PALLD: variants seen among roughly 807,000 people sequenced by gnomAD.
PALLD encodes palladin, cytoskeletal associated protein.
A neutral mutation model predicts 123.5 loss-of-function variants in PALLD; 61 were observed. The observed-to-expected ratio is 0.49, with a 90% confidence interval of 0.40 to 0.61. The LOEUF (loss-of-function observed/expected upper bound fraction) is 0.61. Ranked by LOEUF, PALLD falls within the 20% of genes least tolerant of loss-of-function variation. The pLI is 0.00. For synonymous variants in PALLD, 465 were observed against 496.4 expected, an observed-to-expected ratio of 0.94 and a Z score of 0.84; for missense variants, 1,273 against 1,377.0, an observed-to-expected ratio of 0.92 and a Z score of 1.20.
intron 2 of PALLD, among the ~76,000 whole-genome samples, chr4:168,518,392 A>G (rs11132281): frequency 0.74 from 112,562 of 152,070 alleles, 41,885 homozygotes; most frequent in East Asian, 0.86. Context: ...CTGCCCGAAC[A>G]CCGTCCAGGG....
chr4:168,578,437 TC>T (rs1187792694), intron 2 of PALLD, among the ~76,000 whole-genome samples: 3 of 152,038 alleles, frequency 2.0e-5, no homozygotes, highest in Non-Finnish European at 2.9e-5. Context: ...AAGGGGCTTT[TC>T]CCCCCTTTTG....
chr4:168,913,311 A>AT (rs1461061531), intron 15 of PALLD, among the ~76,000 whole-genome samples: 1 of 151,386 alleles, frequency 6.6e-6, no homozygotes, highest in Non-Finnish European at 1.5e-5. Context: ...TAATTTTTGT[A>AT]TTTTTTTAGT....
At chr4:168,513,436 A>T (rs17054283) in intron 2 of PALLD, among the ~76,000 whole-genome samples, 44,605 of 152,092 alleles carry the variant, frequency 0.29, 6,671 homozygotes, top group Non-Finnish European at 0.33. Context: ...CCTTCCCCTG[A>T]GCAAAAATGT....
At position 168,759,215 on chromosome 4, in the gene PALLD, A is replaced by G. The variant is rs1472243401; in HGVS notation, c.1964+47292A>G. 1.5e-4 allele frequency among the ~76,000 whole-genome samples: 6 copies of G among 40,966 alleles called. 1 individual carries two copies. The highest frequency in any genetic ancestry group is 2.8e-4 in the Non-Finnish European group (6 of 21,136). 26.9% of individuals were successfully genotyped at this position (40,966 alleles called of 152,430 possible). A position where few individuals can be genotyped will look rare whatever the true frequency, so the allele number is the denominator to read the frequency against. On this transcript the variant is annotated intron_variant, in intron 10 of 21. Coordinates refer to ENST00000505667, the MANE Select transcript of PALLD (RefSeq NM_001166108.2). ...AAAAAAAAAAAAAATATATATATAT[A>G]TATATATATATATATATATATATAT...
intron 2 of PALLD, among the ~76,000 whole-genome samples, chr4:168,525,433 G>C (rs948293245): frequency 2.6e-5 from 4 of 152,172 alleles, no homozygotes; most frequent in African/African-American, 9.7e-5. Flanking sequence ...TCATCAGGGG[G>C]CCACATGGTA....
intron 10 of PALLD, among the ~76,000 whole-genome samples, chr4:168,836,902 A>G (rs1004996638): frequency 1.8e-4 from 27 of 152,194 alleles, no homozygotes; most frequent in African/African-American, 6.0e-4. Context: ...TAATAGTACC[A>G]TAGAACCAAA....
chr4:168,833,087 G>A (rs898966654), intron 10 of PALLD: 1 of 152,784 alleles, frequency 6.5e-6, no homozygotes, highest in Non-Finnish European at 1.5e-5. Context: ...CCCGGGGCTG[G>A]GGGCTTCCCG....
In PALLD at chr4:168,633,545, T is replaced by G. The variant is rs900744387; in HGVS notation, c.909-34645T>G. ...GACCTACTTTGATCACTACAGTGTT[T>G]ACATTTGTTGTTTATTTGTTGTATG... On this transcript the variant is annotated intron_variant, in intron 2 of 21. Transcript: ENST00000505667. Among the ~76,000 whole-genome samples, 2 of 152,264 alleles carry G rather than the reference T, an allele frequency of 1.3e-5. 1 individual carries two copies. The highest frequency in any genetic ancestry group is 4.1e-4 in the South Asian group (2 of 4,836).
In PALLD at chr4:168,511,841, ATC is replaced by A. The variant is rs757497728; in HGVS notation, c.341_342del (p.Ser114PhefsTer27). 11 of 1,613,962 alleles carry A rather than the reference ATC, an allele frequency of 6.8e-6. No individual in the cohort carries two copies. In the African/African-American group the frequency reaches 1.5e-4, roughly 22 times the overall value. On this transcript the variant is annotated frameshift_variant, in exon 2 of 22. Coordinates refer to ENST00000505667, the MANE Select transcript of PALLD (RefSeq NM_001166108.2). LOFTEE classifies it high-confidence loss of function. Reference sequence around the variant, plus strand: ...TCTGGCAGAGAAACAAACTAAGAGTATCTCTTCACCTGTTTCAAAGAGGAAAC... The same window carrying A: ...TCTGGCAGAGAAACAAACTAAGAGTATCTTCACCTGTTTCAAAGAGGAAAC... Reference protein sequence around the residue: ...QPLAEKQTKSISSPVSKRKPA... With the variant: ...QPLAEKQTKSXSSPVSKRKPA...
chr4:168,784,857 A>G (rs1030538351), intron 10 of PALLD, among the ~76,000 whole-genome samples: 2 of 152,156 alleles, frequency 1.3e-5, no homozygotes, highest in African/African-American at 4.8e-5. Flanking sequence ...CAGAGCCACA[A>G]ACAATGCCGC....
rs575408287 is a variant in PALLD at position 168,845,758 on chromosome 4, A to G, written c.1965-45164A>G. Among the ~76,000 whole-genome samples the G allele has an allele frequency of 1.4e-4, 22 of 152,348 alleles. No individual in the cohort carries two copies. In the East Asian group the frequency reaches 2.9e-3, roughly 20 times the overall value. Reference sequence around the variant, plus strand: ...CTTGTAAAAAGGAAGACTTATACATACAAAGAACTCAGCTAGTCAAGACTA... The same window carrying G: ...CTTGTAAAAAGGAAGACTTATACATGCAAAGAACTCAGCTAGTCAAGACTA... On this transcript the variant is annotated intron_variant, in intron 10 of 21. Coordinates refer to ENST00000505667, the MANE Select transcript of PALLD (RefSeq NM_001166108.2).
At chr4:168,772,617 A>AT (rs1161581584) in intron 10 of PALLD, among the ~76,000 whole-genome samples, 2 of 152,206 alleles carry the variant, frequency 1.3e-5, no homozygotes, top group Non-Finnish European at 2.9e-5. Flanking sequence ...AGAGGTACAC[A>AT]GTTCCAATTG....
chr4:168,605,324 T>C (rs1171359809), intron 2 of PALLD, among the ~76,000 whole-genome samples: 1 of 152,090 alleles, frequency 6.6e-6, no homozygotes, highest in Admixed American at 6.6e-5. Context: ...ATAGAACTTC[T>C]GTATTTGTGA....
chr4:168,544,229 C>T (rs1414656003), intron 2 of PALLD, among the ~76,000 whole-genome samples: 1 of 152,226 alleles, frequency 6.6e-6, no homozygotes, highest in Non-Finnish European at 1.5e-5. Context: ...GTTCTAAGTG[C>T]ACATTTCTGC....
At chr4:168,556,663 T>C (rs1354705139) in intron 2 of PALLD, among the ~76,000 whole-genome samples, 1 of 152,218 alleles carries the variant, frequency 6.6e-6, no homozygotes, top group Non-Finnish European at 1.5e-5. Flanking sequence ...ATTTAAGTCA[T>C]GCTTGAGAGG....
intron 4 of PALLD, among the ~76,000 whole-genome samples, chr4:168,682,239 A>G (rs78268281): frequency 0.016 from 2,466 of 152,300 alleles, 58 homozygotes; most frequent in African/African-American, 0.056. Flanking sequence ...AAAAGTCCAT[A>G]AATATTGAGT....
chr4:168,835,917 G>A (rs1745117245), intron 10 of PALLD, among the ~76,000 whole-genome samples: 1 of 152,164 alleles, frequency 6.6e-6, no homozygotes, highest in South Asian at 2.1e-4. Context: ...AAAAGACATG[G>A]AGATAAAATG....
At chr4:168,707,679 A>C (rs943711794) in intron 8 of PALLD, among the ~76,000 whole-genome samples, 1 of 152,186 alleles carries the variant, frequency 6.6e-6, no homozygotes, top group Non-Finnish European at 1.5e-5. Flanking sequence ...CACTTTATGA[A>C]GGTGTTGCAG....
intron 10 of PALLD, chr4:168,832,244 G>A: frequency 1.0e-6 from 1 of 962,728 alleles, no homozygotes; most frequent in Non-Finnish European, 1.2e-6. Flanking sequence ...CGTGCAGGGT[G>A]GGCCGCGAGT....
Sources: allele counts gnomAD v4.1 joint callset (sites outside exome capture counted in the v4.1 genomes callset), GRCh38; gene constraint gnomAD v4.1.1; transcripts MANE v1.5; gene names NCBI Gene and HGNC (gene_info 2026-07-23, HGNC 2026-07-21).